The following CACNA1H variants were observed in gnomAD, a reference collection of about 807,000 sequenced individuals.
CACNA1H encodes calcium voltage-gated channel subunit alpha1 H.
Under a neutral mutation model 192.5 loss-of-function variants are expected in CACNA1H, and 149 were observed. That is an observed-to-expected ratio of 0.77 (90% CI 0.68 to 0.89). The LOEUF is 0.89. Ranked by LOEUF, CACNA1H falls within the 40% of genes least tolerant of loss-of-function variation. The pLI is 0.00. For synonymous variants in CACNA1H, 2,202 were observed against 1,475.2 expected (o/e 1.49, Z -11.29); for missense variants, 4,257 against 3,423.5 (o/e 1.24, Z -6.08).
intron 8 of CACNA1H, 146 bp downstream of exon 8, chr16:1,200,954 G>A: frequency 1.5e-6 from 1 of 665,492 alleles, no homozygotes; most frequent in Non-Finnish European, 2.7e-6. Context: ...GCTTGCGGGG[G>A]TGGGGAGGTG....
chr16:1,211,669 C>A, intron 23 of CACNA1H, 47 bp from the exon 24 acceptor site: 4 of 1,610,000 alleles, frequency 2.5e-6, no homozygotes, highest in Non-Finnish European at 3.4e-6. Flanking sequence ...AGAGGGCCGG[C>A]GACCCCAGCT....
intron 2 of CACNA1H, among the ~76,000 whole-genome samples, chr16:1,188,376 G>T (rs1966269928): frequency 6.6e-6 from 1 of 152,288 alleles, no homozygotes; most frequent in Admixed American, 6.5e-5. Flanking sequence ...CTGGGGAGAG[G>T]GGTCCCACAG....
At position 1,210,482 on chromosome 16, in the gene CACNA1H, C is replaced by G; in HGVS notation, c.3958C>G (p.Pro1320Ala). 6.2e-7 allele frequency: 1 copy of G among 1,611,832 alleles called. No individual in the cohort carries two copies. Among genetic ancestry groups the G allele is most frequent in the Non-Finnish European group, 8.5e-7 (1 of 1,179,696 alleles). The change falls in exon 19 of 35, where the codon CCC becomes GCC. Residue 1320 changes from proline to alanine, a missense_variant. By Grantham distance (27) the Pro-to-Ala change is conservative. Transcript: ENST00000348261. The part of the protein sequence containing the change: ...TIALERPDID[P>A]GSTERVFLSV... Reference sequence around the variant, plus strand: ...CGCCCTGGAGAGGCCTGACATTGATCCCGGCAGCACCGTGAGTCAGCCAAC... The same window carrying G: ...CGCCCTGGAGAGGCCTGACATTGATGCCGGCAGCACCGTGAGTCAGCCAAC...
In CACNA1H at chr16:1,219,165, C is replaced by T. The variant is rs574892863; in HGVS notation, c.6048+35C>T. 471 of 1,489,376 alleles carry T rather than the reference C, an allele frequency of 3.2e-4. 1 individual carries two copies. Among genetic ancestry groups the T allele is most frequent in the East Asian group, 1.4e-3 (55 of 39,062 alleles). The allele number at this position is 1,489,376 out of a possible 1,614,324, so 92.3% of individuals were successfully genotyped here. On this transcript the variant is annotated intron_variant, in intron 34 of 34. Coordinates refer to ENST00000348261, the MANE Select transcript of CACNA1H (RefSeq NM_021098.3). ...GCCGTTGGCCTGCAGCAGAGGCTGG[C>T]GGGGATGGGGGGCTTGCAGGGATGC...
chr16:1,158,141 G>A (rs143091858), intron 2 of CACNA1H, among the ~76,000 whole-genome samples: 3 of 152,330 alleles, frequency 2.0e-5, no homozygotes, highest in Middle Eastern at 3.4e-3. Flanking sequence ...GCCTACCCAC[G>A]AGAGGGCTGG....
intron 2 of CACNA1H, among the ~76,000 whole-genome samples, chr16:1,154,624 G>T (rs1050281114): frequency 2.6e-5 from 4 of 152,158 alleles, no homozygotes; most frequent in African/African-American, 9.7e-5. Flanking sequence ...ACTCGGTGGC[G>T]GGGCTGACTT....
chr16:1,197,284 GGTGAGGGGACGCGT>G (rs1967095371), intron 5 of CACNA1H, among the ~76,000 whole-genome samples: 1 of 152,216 alleles, frequency 6.6e-6, no homozygotes, highest in Non-Finnish European at 1.5e-5. Context: ...CTGAGCGTGC[GGTGAGGGGACGCGT>G]GTGTGGCTCT....
At chr16:1,213,959 CA>C in intron 27 of CACNA1H, 28 bp downstream of exon 27, 1 of 1,588,048 alleles carries the variant, frequency 6.3e-7, no homozygotes, top group Non-Finnish European at 8.6e-7. Flanking sequence ...GCGAGGGGCC[CA>C]GGGGCTGGGG....
At chr16:1,155,623 C>G (rs928641283) in intron 2 of CACNA1H, among the ~76,000 whole-genome samples, 6 of 151,956 alleles carry the variant, frequency 3.9e-5, no homozygotes, top group Admixed American at 6.6e-5. Context: ...TCCTCACAGC[C>G]CCGGGCCTGG....
intron 24 of CACNA1H, 25 bp downstream of exon 24, chr16:1,211,830 G>T (rs779990563): frequency 6.2e-7 from 1 of 1,611,408 alleles, no homozygotes; most frequent in South Asian, 1.1e-5. Flanking sequence ...GTCGAGCTGG[G>T]TCACCTCAGG....
At chr16:1,171,127 A>G (rs1213631865) in intron 2 of CACNA1H, among the ~76,000 whole-genome samples, 1 of 151,768 alleles carries the variant, frequency 6.6e-6, no homozygotes, top group African/African-American at 2.4e-5. Flanking sequence ...CCCCTCCCCT[A>G]GTGCCTTCCC....
rs780766910 is a variant in CACNA1H, at chr16:1,184,308, CA to C, written c.300-10663del. Among the ~76,000 whole-genome samples the C allele has an allele frequency of 4.0e-3, 607 of 152,382 alleles. 3 individuals carry two copies. Among genetic ancestry groups the C allele is most frequent in the South Asian group, 0.014 (69 of 4,832 alleles). ...AAGCTTTGGGCCTTACTGCCCGAGGCAGAGGCCAGAGGCCGGACTGTGGAGG... is the reference window on the plus strand; with the variant it reads ...AAGCTTTGGGCCTTACTGCCCGAGGCGAGGCCAGAGGCCGGACTGTGGAGG... On this transcript the variant is annotated intron_variant, in intron 2 of 34. Transcript: ENST00000348261.
intron 2 of CACNA1H, among the ~76,000 whole-genome samples, chr16:1,175,067 G>A (rs962321588): frequency 1.2e-4 from 19 of 152,082 alleles, no homozygotes; most frequent in Non-Finnish European, 2.8e-4. Context: ...CCTACTCTAC[G>A]CACAGGTCAA....
chr16:1,195,831 C>T (rs1291753444), intron 4 of CACNA1H, 95 bp from the exon 5 acceptor site: 18 of 1,048,882 alleles, frequency 1.7e-5, no homozygotes, highest in African/African-American at 6.2e-5. Context: ...CCGGGCTGGC[C>T]GGTTCTATGC....
rs995847684 is a variant in CACNA1H, at chr16:1,210,149, G to T, written c.3845+14G>T. The T allele has an allele frequency of 1.9e-6, 3 of 1,547,290 alleles. No individual in the cohort carries two copies. In the African/African-American group the frequency reaches 4.1e-5, roughly 21 times the overall value. ...CCCACAGAACCGGTGAGGCGGCCGG[G>T]TCAGGAGGCTGCATGGCTAGTTCCA... On this transcript the variant is annotated intron_variant, in intron 18 of 34. Coordinates refer to ENST00000348261, the MANE Select transcript of CACNA1H (RefSeq NM_021098.3).
intron 5 of CACNA1H, among the ~76,000 whole-genome samples, chr16:1,196,807 C>T (rs1014160975): frequency 6.6e-6 from 1 of 152,162 alleles, no homozygotes; most frequent in Non-Finnish European, 1.5e-5. Flanking sequence ...CACCCACCTG[C>T]ATCAGGGGAT....
At chr16:1,155,968 G>C (rs1962314562) in intron 2 of CACNA1H, among the ~76,000 whole-genome samples, 2 of 152,092 alleles carry the variant, frequency 1.3e-5, no homozygotes, top group African/African-American at 2.4e-5. Flanking sequence ...AGAGGGACTT[G>C]GGTGCTGTCC....
intron 2 of CACNA1H, among the ~76,000 whole-genome samples, chr16:1,161,894 G>A (rs935644867): frequency 2.0e-5 from 3 of 152,150 alleles, no homozygotes; most frequent in Non-Finnish European, 2.9e-5. Context: ...CTGGTCGGAC[G>A]CGTTAATGGA....
rs565068105 is a variant in CACNA1H at position 1,168,122 on chromosome 16, G to A, written c.299+14086G>A. 9.2e-5 allele frequency among the ~76,000 whole-genome samples: 14 copies of A among 152,222 alleles called. No homozygotes were observed. In the South Asian group the frequency reaches 2.7e-3, roughly 29 times the overall value. On this transcript the variant is annotated intron_variant, in intron 2 of 34. Transcript: ENST00000348261. The stretch of plus-strand genomic sequence containing the variant: ...GAGAGGTGGACCAGAATTCCCCTGG[G>A]GCACGGTGGCGGGAGACCAGGGCGG...
Sources: gnomAD v4.1 joint callset for allele counts (sites outside exome capture counted in the v4.1 genomes callset) on GRCh38, gnomAD v4.1.1 for gene constraint, MANE v1.5 for transcripts, NCBI Gene and HGNC (gene_info 2026-07-23, HGNC 2026-07-21) for gene names.